Variants in EML4 observed in about 807,000 individuals in gnomAD.
EML4 encodes EMAP like 4.
Under a neutral mutation model 129.0 loss-of-function variants are expected in EML4, and 72 were observed. That is an observed-to-expected ratio of 0.56 (90% confidence interval 0.46 to 0.68). The LOEUF (loss-of-function observed/expected upper bound fraction) is 0.68. EML4 is among the 30% of genes least tolerant of loss of function. The pLI, the probability that EML4 is intolerant of heterozygous loss-of-function variation, is 0.00. For missense variants in EML4, 1,363 were observed against 1,190.6 expected (o/e 1.14, Z -2.13); for synonymous variants, 532 against 405.0 (o/e 1.31, Z -3.77).
At position 42,330,064 on chromosome 2, in the gene EML4, G is replaced by A. The variant is rs770861040; in HGVS notation, c.2803G>A (p.Glu935Lys). The A allele has an allele frequency of 6.2e-7, 1 of 1,613,342 alleles. No homozygotes were observed. The highest frequency in any genetic ancestry group is 1.1e-5 in the South Asian group (1 of 91,020). The change falls in exon 23 of 23, where the codon GAA becomes AAA. Residue 935 changes from glutamate to lysine, a missense_variant. Glu to Lys is a moderately conservative substitution (Grantham distance 56, BLOSUM62 1). Coordinates refer to ENST00000318522, the MANE Select transcript of EML4 (RefSeq NM_019063.5). ...NSLEQTVEPSEDHSEEESEEG... is the reference protein window; with the variant it reads ...NSLEQTVEPSKDHSEEESEEG... ...CCTGGAACAAACTGTGGAGCCAAGT[G>A]AAGACCACAGCGAGGAGGAGAGTGA...
At position 42,303,405 on chromosome 2, in the gene EML4, A is replaced by T; in HGVS notation, c.1858A>T (p.Asn620Tyr). 6.2e-7 allele frequency: 1 copy of T among 1,614,074 alleles called. No homozygotes were observed. The highest frequency in any genetic ancestry group is 8.5e-7 in the Non-Finnish European group (1 of 1,179,986). Residue 620 changes from asparagine (N) to tyrosine (Y), a missense_variant, in exon 16 of 23, where the codon AAC becomes TAC. Asn to Tyr is a moderately radical substitution (Grantham distance 143). Transcript: ENST00000318522. Reference sequence around the variant, plus strand: ...TCAGGACAGGCAGGTGTGCCTGTGGAACTCAATGGAACACAGGCTGGAATG... The same window carrying T: ...TCAGGACAGGCAGGTGTGCCTGTGGTACTCAATGGAACACAGGCTGGAATG... Reference protein sequence around the residue: ...CAQDRQVCLWNSMEHRLEWTR... With the variant: ...CAQDRQVCLWYSMEHRLEWTR...
chr2:42,264,606 A>AT (rs1418786997), intron 5 of EML4, 100 bp from the exon 6 acceptor site: 4 of 730,810 alleles, frequency 5.5e-6, no homozygotes, highest in Non-Finnish European at 7.0e-6. Flanking sequence ...TATCTAGATT[A>AT]TAGCCTAAGC....
rs374218985 is a variant in EML4, at chr2:42,295,491, G to A, written c.1464G>A (p.Glu488=). Residue 488 remains glutamate, a synonymous_variant, in exon 13 of 23, where the codon GAG becomes GAA. Coordinates refer to ENST00000318522, the MANE Select transcript of EML4 (RefSeq NM_019063.5). ...TTATATGGAGCAAAACTACTGTAGA[G>A]CCCACACCTGGGAAAGGACCTAAAG... ...VMLIWSKTTV[E]PTPGKGPKGV... 61 of 1,613,186 alleles carry A rather than the reference G, an allele frequency of 3.8e-5. No individual in the cohort carries two copies. The South Asian group carries it at 5.9e-4, about 16-fold the overall frequency.
intron 1 of EML4, among the ~76,000 whole-genome samples, chr2:42,221,389 TACAACA>T (rs1673582459): frequency 4.2e-5 from 6 of 143,568 alleles, no homozygotes; most frequent in Admixed American, 7.0e-5. Context: ...GCACATTGTT[TACAACA>T]TGGTTTACTT....
intron 1 of EML4, among the ~76,000 whole-genome samples, chr2:42,198,763 T>C (rs968915225): frequency 6.6e-6 from 1 of 152,040 alleles, no homozygotes; most frequent in Non-Finnish European, 1.5e-5. Flanking sequence ...ACTTGGAAAA[T>C]GTAGAGAGAC....
intron 8 of EML4, among the ~76,000 whole-genome samples, chr2:42,283,410 G>C (rs747668944): frequency 1.3e-5 from 2 of 152,200 alleles, no homozygotes; most frequent in Non-Finnish European, 2.9e-5. Flanking sequence ...AGGATCATAA[G>C]TATGCCGTAG....
intron 1 of EML4, among the ~76,000 whole-genome samples, chr2:42,202,878 A>G (rs1418677900): frequency 1.3e-5 from 2 of 152,104 alleles, no homozygotes; most frequent in Non-Finnish European, 2.9e-5. Context: ...AAATAAAAAA[A>G]TTAGCCTGGT....
rs901348994 is a variant in EML4 at position 42,305,657 on chromosome 2, C to T, written c.1967+1106C>T. Among the ~76,000 whole-genome samples the T allele has an allele frequency of 9.2e-5, 14 of 152,266 alleles. No individual in the cohort carries two copies. In the South Asian group the frequency reaches 1.0e-3, roughly 11 times the overall value. On this transcript the variant is annotated intron_variant, in intron 17 of 22. Transcript: ENST00000318522. ...ATTTATATATCTTTAATTGACTCAA[C>T]TTTATTGCCTCTGCTAGTAAGTAGT...
chr2:42,279,195 T>C (rs193222531), intron 6 of EML4, among the ~76,000 whole-genome samples: 160 of 152,298 alleles, frequency 1.1e-3, no homozygotes, highest in Admixed American at 2.5e-3. Context: ...ATTTTCCTTA[T>C]TCAGTTGAGT....
chr2:42,329,115 T>C, intron 22 of EML4, 99 bp downstream of exon 22: 6 of 1,250,484 alleles, frequency 4.8e-6, no homozygotes, highest in Non-Finnish European at 6.7e-6. Context: ...TTCCTCTCCA[T>C]GATACTCCAG....
chr2:42,201,015 A>G (rs1672200340), intron 1 of EML4, among the ~76,000 whole-genome samples: 1 of 152,236 alleles, frequency 6.6e-6, no homozygotes, highest in Non-Finnish European at 1.5e-5. Flanking sequence ...TGTCTATAGC[A>G]GTAATATGAC....
intron 1 of EML4, among the ~76,000 whole-genome samples, chr2:42,200,082 G>A (rs1672129063): frequency 1.3e-5 from 2 of 151,324 alleles, no homozygotes; most frequent in Non-Finnish European, 2.9e-5. Flanking sequence ...GGCCAAGGCG[G>A]GCAGATCGCG....
chr2:42,243,021 G>A (rs532447624), intron 1 of EML4, among the ~76,000 whole-genome samples: 22 of 152,106 alleles, frequency 1.4e-4, no homozygotes, highest in Admixed American at 1.4e-3. Context: ...CAAGCGATCC[G>A]CCCACCTTGG....
At chr2:42,282,105 T>C (rs10490556) in intron 7 of EML4, among the ~76,000 whole-genome samples, 18,845 of 152,018 alleles carry the variant, frequency 0.12, 1,236 homozygotes, top group Middle Eastern at 0.23. Context: ...TCCATCTAAA[T>C]TAGGTCCTCC....
At chr2:42,316,372 C>T (rs1669245332) in intron 18 of EML4, among the ~76,000 whole-genome samples, 1 of 152,164 alleles carries the variant, frequency 6.6e-6, no homozygotes, top group South Asian at 2.1e-4. Context: ...CTAAATGTCA[C>T]ATCTGGTTAG....
intron 1 of EML4, among the ~76,000 whole-genome samples, chr2:42,241,874 C>CGGGG (rs58306857): frequency 2.0e-4 from 29 of 144,954 alleles, no homozygotes; most frequent in African/African-American, 7.3e-4. Flanking sequence ...GTGTGTGTGT[C>CGGGG]GGGGGGGGGA....
At chr2:42,272,918 T>C (rs75835135) in intron 6 of EML4, among the ~76,000 whole-genome samples, 5,939 of 152,284 alleles carry the variant, frequency 0.039, 233 homozygotes, top group East Asian at 0.2. Flanking sequence ...TTCAAACATA[T>C]TTTAAGAAAT....
chr2:42,286,293 T>C lies in EML4; in HGVS notation c.1036T>C (p.Trp346Arg). The C allele has an allele frequency of 6.2e-7, 1 of 1,613,634 alleles. No individual in the cohort carries two copies. The highest frequency in any genetic ancestry group is 8.5e-7 in the Non-Finnish European group (1 of 1,179,554). The change falls in exon 10 of 23, where the codon TGG becomes CGG. Residue 346 changes from tryptophan to arginine, a missense_variant. Transcript: ENST00000318522. ...GCCTCTACAACCCCACGTCAGAGTG[T>C]GGGATTCTGTTACTCTATCCACACT... ...GRPLQPHVRV[W>R]DSVTLSTLQI...
At chr2:42,300,626 T>C (rs12464308) in intron 13 of EML4, among the ~76,000 whole-genome samples, 37,634 of 152,160 alleles carry the variant, frequency 0.25, 5,078 homozygotes, top group East Asian at 0.56. Flanking sequence ...CAATAACTTC[T>C]GTAGTGCCCC....
Sources: allele counts gnomAD v4.1 joint callset (sites outside exome capture counted in the v4.1 genomes callset), GRCh38; gene constraint gnomAD v4.1.1; transcripts MANE v1.5; gene names NCBI Gene and HGNC (gene_info 2026-07-23, HGNC 2026-07-21).